The following ARHGEF9 variants were observed in gnomAD, a reference collection of about 807,000 sequenced individuals.
ARHGEF9 encodes the protein rho guanine nucleotide exchange factor 9.
ARHGEF9 carries 2 observed loss-of-function variants against 41.3 expected under a neutral mutation model. That is an observed-to-expected ratio of 0.05 (90% CI 0.02 to 0.15). The LOEUF (loss-of-function observed/expected upper bound fraction) is 0.15, where lower values mean the gene tolerates loss of function less well. Among genes scored for constraint, ARHGEF9 ranks in the 10% least tolerant of loss-of-function variants. ARHGEF9 has a pLI of 1.00. For missense variants in ARHGEF9, 225 were observed against 424.7 expected (o/e 0.53, Z 4.13); for synonymous variants, 160 against 154.4 (o/e 1.04, Z -0.27).
intron 1 of ARHGEF9, among the ~76,000 whole-genome samples, chrX:63,784,110 C>T (rs782536190): frequency 1.2e-4 from 13 of 112,186 alleles, no homozygotes; most frequent in Non-Finnish European, 1.7e-4. Flanking sequence ...CCTTCATCTG[C>T]GGGTTATGGG....
At chrX:63,684,827 T>C (rs1435493349) in intron 4 of ARHGEF9, among the ~76,000 whole-genome samples, 6 of 109,692 alleles carry the variant, frequency 5.5e-5, no homozygotes, top group African/African-American at 1.7e-4. Context: ...TGTCACAACA[T>C]GGAGGAACCT....
intron 2 of ARHGEF9, among the ~76,000 whole-genome samples, chrX:63,711,453 T>C (rs2052926639): frequency 1.8e-5 from 2 of 111,859 alleles, no homozygotes; most frequent in African/African-American, 6.5e-5. Context: ...GGCACAAGAA[T>C]AGATATAAAG....
Position 63,785,154 on chromosome X carries a change from C to CGA in ARHGEF9, c.-11_-10dup. On this transcript the variant is annotated 5_prime_UTR_variant, in exon 1 of 10. Coordinates refer to ENST00000671741, the MANE Select transcript of ARHGEF9 (RefSeq NM_001353921.2). ...CCCCTTATCCACTGCATGGTGCTTG[C>CGA]GAAGTCCGGCTTCTCTGAGGCCCCG... 1 of 1,164,160 alleles carries CGA rather than the reference C, an allele frequency of 8.6e-7. No homozygotes were observed. The highest frequency in any genetic ancestry group is 1.1e-6 in the Non-Finnish European group (1 of 871,258).
intron 6 of ARHGEF9, 136 bp from the exon 7 acceptor site, chrX:63,666,153 G>T: frequency 3.8e-6 from 3 of 781,880 alleles, no homozygotes; most frequent in East Asian, 3.4e-5. Flanking sequence ...GAGGGAGAGA[G>T]GGACTCCTGG....
chrX:63,753,461 A>C (rs1248149415), intron 1 of ARHGEF9, among the ~76,000 whole-genome samples: 5 of 111,370 alleles, frequency 4.5e-5, no homozygotes, highest in African/African-American at 1.6e-4. Context: ...ACATCATTGC[A>C]AACGAGATTA....
At chrX:63,709,280 A>T (rs1237444355) in intron 2 of ARHGEF9, 1 of 112,050 alleles carries the variant, frequency 8.9e-6, no homozygotes, top group African/African-American at 3.2e-5. Context: ...CCAGCCTTTG[A>T]ACTTCACTGA....
chrX:63,730,006 C>A (rs2054187081), intron 1 of ARHGEF9, among the ~76,000 whole-genome samples: 1 of 111,759 alleles, frequency 8.9e-6, no homozygotes, highest in Non-Finnish European at 1.9e-5. Flanking sequence ...TGTCATGTGC[C>A]TTGATTTTTA....
chrX:63,680,710 G>C (rs782492293), intron 4 of ARHGEF9, among the ~76,000 whole-genome samples: 1 of 111,984 alleles, frequency 8.9e-6, no homozygotes, highest in Admixed American at 9.4e-5. Context: ...ATTCTTCAGT[G>C]TTCACAGTCA....
In ARHGEF9 at chrX:63,785,199, C is replaced by G; in HGVS notation, c.-54G>C. On this transcript the variant is annotated 5_prime_UTR_variant, in exon 1 of 10. Coordinates refer to ENST00000671741, the MANE Select transcript of ARHGEF9 (RefSeq NM_001353921.2). ...GCCCCGTAGCTGGCGCGAGTTGTCG[C>G]GGGCTGACTAGAAGGGCTGGGCTGA... 1 of 1,144,386 alleles carries G rather than the reference C, an allele frequency of 8.7e-7. No individual in the cohort carries two copies. The highest frequency in any genetic ancestry group is 1.2e-6 in the Non-Finnish European group (1 of 855,472). The allele number at this position is 1,144,386 out of a possible 1,213,427, so 94.3% of individuals were successfully genotyped here.
At chrX:63,645,134 T>A (rs1277132844) in intron 8 of ARHGEF9, among the ~76,000 whole-genome samples, 26 of 110,239 alleles carry the variant, frequency 2.4e-4, no homozygotes, top group Admixed American at 6.8e-4. Context: ...TTATAAAATA[T>A]CTAAAAATAA....
At chrX:63,766,852 G>A (rs782188977) in intron 1 of ARHGEF9, 12 of 312,871 alleles carry the variant, frequency 3.8e-5, no homozygotes, top group Middle Eastern at 5.1e-4. Flanking sequence ...TCCCCCACGC[G>A]GCCCCTCATC....
chrX:63,695,115 T>C (rs1556386288), intron 4 of ARHGEF9, among the ~76,000 whole-genome samples: 2 of 111,768 alleles, frequency 1.8e-5, no homozygotes, highest in African/African-American at 6.5e-5. Flanking sequence ...AGGGGACATT[T>C]GTCAATGTCT....
intron 2 of ARHGEF9, among the ~76,000 whole-genome samples, chrX:63,718,484 T>C (rs1424142728): frequency 2.7e-5 from 3 of 110,217 alleles, no homozygotes; most frequent in Non-Finnish European, 5.7e-5. Flanking sequence ...TCTAAGCTAA[T>C]CCCCAAATAA....
intron 6 of ARHGEF9, among the ~76,000 whole-genome samples, chrX:63,668,914 C>T (rs1241688221): frequency 8.9e-6 from 1 of 112,129 alleles, no homozygotes; most frequent in Non-Finnish European, 1.9e-5. Context: ...ACCCAATCTC[C>T]TCCTACTGTC....
At chrX:63,758,475 G>A (rs1387795244) in intron 1 of ARHGEF9, among the ~76,000 whole-genome samples, 4 of 112,574 alleles carry the variant, frequency 3.6e-5, no homozygotes, top group African/African-American at 1.3e-4. Flanking sequence ...ATAGCTCCTC[G>A]GCGCATTTAA....
chrX:63,773,047 T>G (rs1280962065), intron 1 of ARHGEF9, among the ~76,000 whole-genome samples: 5 of 111,906 alleles, frequency 4.5e-5, no homozygotes, highest in African/African-American at 1.6e-4. Context: ...TATGTCCTCA[T>G]GGCAATAGGA....
intron 2 of ARHGEF9, among the ~76,000 whole-genome samples, chrX:63,709,360 C>T (rs1287073865): frequency 1.8e-5 from 2 of 112,263 alleles, no homozygotes; most frequent in African/African-American, 3.2e-5. Flanking sequence ...TGCCTAACCA[C>T]TAACTGTGAA....
At chrX:63,754,303 C>G in intron 1 of ARHGEF9, 1 of 1,210,814 alleles carries the variant, frequency 8.3e-7, no homozygotes, top group Non-Finnish European at 1.1e-6. Flanking sequence ...AGATAATATA[C>G]CAACGTCATA....
chrX:63,685,248 T>A (rs1256782345), intron 4 of ARHGEF9, among the ~76,000 whole-genome samples: 1 of 111,644 alleles, frequency 9.0e-6, no homozygotes, highest in Non-Finnish European at 1.9e-5. Flanking sequence ...AAATATTTTT[T>A]AAAACAATCA....
Sources: gnomAD v4.1 joint callset for allele counts (sites outside exome capture counted in the v4.1 genomes callset) on GRCh38, gnomAD v4.1.1 for gene constraint, MANE v1.5 for transcripts, NCBI Gene and HGNC (gene_info 2026-07-23, HGNC 2026-07-21) for gene names.